JAKMIP3: variants seen among roughly 807,000 people sequenced by gnomAD.
JAKMIP3 encodes the protein Janus kinase and microtubule interacting protein 3.
In JAKMIP3, 58 loss-of-function variants were observed where a neutral mutation model predicts 118.5. That is an observed-to-expected ratio of 0.49 (90% CI 0.40 to 0.61). The LOEUF (loss-of-function observed/expected upper bound fraction) is 0.61, where lower values mean the gene tolerates loss of function less well. JAKMIP3 is among the 20% of genes least tolerant of loss of function. The pLI, the probability that JAKMIP3 is intolerant of heterozygous loss-of-function variation, is 0.00. For missense variants in JAKMIP3, 950 were observed against 1,109.0 expected (o/e 0.86, Z 2.04); for synonymous variants, 486 against 451.2 (o/e 1.08, Z -0.98).
intron 21 of JAKMIP3, among the ~76,000 whole-genome samples, chr10:132,166,609 G>A (rs190191773): frequency 6.6e-6 from 1 of 152,272 alleles, no homozygotes; most frequent in East Asian, 1.9e-4. Context: ...TACCCCATTG[G>A]TGCTCTTGCC....
At position 132,140,475 on chromosome 10, in the gene JAKMIP3, G is replaced by A; in HGVS notation, c.1369G>A (p.Gly457Arg). The A allele has an allele frequency of 6.2e-7, 1 of 1,613,860 alleles. No individual in the cohort carries two copies. Among genetic ancestry groups the A allele is most frequent in the Non-Finnish European group, 8.5e-7 (1 of 1,179,860 alleles). Residue 457 changes from glycine (G) to arginine (R), a missense_variant, in exon 10 of 24, where the codon GGA (glycine) becomes AGA (arginine). By Grantham distance (125) the Gly-to-Arg change is moderately radical. Coordinates refer to ENST00000684848, the MANE Select transcript of JAKMIP3 (RefSeq NM_001323087.2). ...PKPVVVETFF[G>R]YDEEASLESD... ...GCCGGTGGTTGTGGAGACCTTCTTTGGATACGACGAAGAGGCTTCCCTGGA... is the reference window on the plus strand; with the variant it reads ...GCCGGTGGTTGTGGAGACCTTCTTTAGATACGACGAAGAGGCTTCCCTGGA...
At chr10:132,119,753 T>A (rs562725806) in intron 3 of JAKMIP3, among the ~76,000 whole-genome samples, 2 of 152,354 alleles carry the variant, frequency 1.3e-5, no homozygotes, top group Admixed American at 6.5e-5. Flanking sequence ...GAATTTTGGG[T>A]TTTTAACCAA....
At chr10:132,123,513 G>C (rs964965437) in intron 3 of JAKMIP3, among the ~76,000 whole-genome samples, 1 of 152,178 alleles carries the variant, frequency 6.6e-6, no homozygotes, top group Non-Finnish European at 1.5e-5. Flanking sequence ...TTCAAATATG[G>C]CTATAAAAAT....
intron 11 of JAKMIP3, 78 bp from the exon 12 acceptor site, chr10:132,145,029 C>A: frequency 2.5e-6 from 3 of 1,203,500 alleles, no homozygotes; most frequent in East Asian, 2.5e-5. Context: ...ACAGACCCTT[C>A]TGACGTCCCA....
In JAKMIP3 at chr10:132,049,274, C is replaced by G. The variant is rs147457840; in HGVS notation, c.-138+12536C>G. 3.1e-3 allele frequency among the ~76,000 whole-genome samples: 465 copies of G among 152,336 alleles called. 1 individual carries two copies. The highest frequency in any genetic ancestry group is 6.8e-3 in the Middle Eastern group (2 of 294). On this transcript the variant is annotated intron_variant, in intron 1 of 23. Coordinates refer to the JAKMIP3 transcript ENST00000657785. The surrounding 1 kb of genome is among the most constrained non-coding windows in gnomAD (Gnocchi z 4.3). ...GGGAGCACAGCTATAGCTATGAGCA[C>G]TGACCCACGGCTTTGCTTCCCTTCC...
chr10:132,130,534 G>A (rs1378843768), intron 3 of JAKMIP3, among the ~76,000 whole-genome samples: 2 of 152,224 alleles, frequency 1.3e-5, no homozygotes, highest in East Asian at 3.8e-4. Flanking sequence ...CCTGCCAGAC[G>A]TGAGGGCTCC....
chr10:132,176,144 G>T (rs899207148), intron 23 of JAKMIP3, among the ~76,000 whole-genome samples: 2 of 152,200 alleles, frequency 1.3e-5, no homozygotes, highest in African/African-American at 2.4e-5. Flanking sequence ...GCACCTGCCC[G>T]TTAAGGCAGC....
rs1248861265 is a variant in JAKMIP3, at chr10:132,104,983, C to T, written c.135+40C>T. The T allele has an allele frequency of 7.1e-6, 11 of 1,559,186 alleles. No individual in the cohort carries two copies. In the South Asian group the frequency reaches 7.1e-5, roughly 10 times the overall value. On this transcript the variant is annotated intron_variant, in intron 2 of 23. Coordinates refer to ENST00000684848, the MANE Select transcript of JAKMIP3 (RefSeq NM_001323087.2). Reference sequence around the variant, plus strand: ...GACCTCCACCCTTGAATGTCCCTCCCTCCTGCCTCCCCTGGGGCCCAGAGG... The same window carrying T: ...GACCTCCACCCTTGAATGTCCCTCCTTCCTGCCTCCCCTGGGGCCCAGAGG...
chr10:132,095,714 A>G (rs1199979667), intron 1 of JAKMIP3, among the ~76,000 whole-genome samples: 8 of 152,192 alleles, frequency 5.3e-5, no homozygotes, highest in Admixed American at 5.2e-4. Flanking sequence ...GGGAACTGCA[A>G]TCTGGTTCTG....
intron 1 of JAKMIP3, among the ~76,000 whole-genome samples, chr10:132,093,870 A>C (rs1266431699): frequency 6.6e-6 from 1 of 151,574 alleles, no homozygotes; most frequent in Non-Finnish European, 1.5e-5. Flanking sequence ...CCTATTCAGC[A>C]TCTTCTTGAT....
rs4880338 is a variant in JAKMIP3, at chr10:132,168,178, G to A, written c.*248G>A. 0.58 allele frequency: 745,226 copies of A among 1,286,164 alleles called. 218,547 individuals carry two copies. Among genetic ancestry groups the A allele is most frequent in the East Asian group, 0.94 (16,728 of 17,880 alleles). 79.7% of individuals were successfully genotyped at this position (1,286,164 alleles called of 1,614,324 possible). On this transcript the variant is annotated 3_prime_UTR_variant, in exon 23 of 24. Coordinates refer to ENST00000684848, the MANE Select transcript of JAKMIP3 (RefSeq NM_001323087.2). The stretch of plus-strand genomic sequence containing the variant: ...GACTTCTCGGGGGCTTCTCCGGGAC[G>A]GGCCTGGCCTTGGCTGCTGGACCCT...
intron 4 of JAKMIP3, 44 bp downstream of exon 4, chr10:132,133,571 A>G (rs998973808): frequency 3.3e-6 from 5 of 1,520,282 alleles, no homozygotes; most frequent in East Asian, 4.9e-5. Flanking sequence ...TGTCACAGAC[A>G]GACCTGGCCA....
chr10:132,145,690 G>A, intron 13 of JAKMIP3, 110 bp downstream of exon 13: 1 of 881,908 alleles, frequency 1.1e-6, no homozygotes, highest in Non-Finnish European at 1.8e-6. Flanking sequence ...CTTCTGAATG[G>A]CTGTCCCAGG....
intron 23 of JAKMIP3, among the ~76,000 whole-genome samples, chr10:132,180,267 T>C (rs990218015): frequency 4.0e-5 from 6 of 151,702 alleles, no homozygotes; most frequent in African/African-American, 1.5e-4. Flanking sequence ...GACCCTGGGG[T>C]GCCAGAGCTT....
upstream of JAKMIP3, among the ~76,000 whole-genome samples, chr10:132,059,755 G>A (rs1389129101): frequency 6.6e-6 from 1 of 152,236 alleles, no homozygotes; most frequent in African/African-American, 2.4e-5. Flanking sequence ...CTGGTGCCAG[G>A]GCATCCCAGC....
rs562306495 is a variant in JAKMIP3 at position 132,156,478 on chromosome 10, C to T, written c.2220+2488C>T. On this transcript the variant is annotated intron_variant, in intron 19 of 23. Transcript: ENST00000684848. ...CTGTGCAGCCACCACCACAGCAGGC[C>T]GGGAGACAGAGGACCCCACCCAGCC... 5.3e-5 allele frequency among the ~76,000 whole-genome samples: 8 copies of T among 152,290 alleles called. No individual in the cohort carries two copies. In the South Asian group the frequency reaches 8.3e-4, roughly 16 times the overall value.
intron 21 of JAKMIP3, among the ~76,000 whole-genome samples, chr10:132,165,903 C>A (rs1349226038): frequency 1.3e-5 from 2 of 152,242 alleles, no homozygotes; most frequent in Non-Finnish European, 2.9e-5. Flanking sequence ...CAGGGGCACC[C>A]GGCCTTGCCG....
At chr10:132,048,582 G>A (rs1173176511) in intron 1 of JAKMIP3, among the ~76,000 whole-genome samples, 3 of 151,934 alleles carry the variant, frequency 2.0e-5, no homozygotes, top group Non-Finnish European at 4.4e-5. Context: ...AGCTCATCAT[G>A]GTTTTGCGGT....
intron 1 of JAKMIP3, among the ~76,000 whole-genome samples, chr10:132,057,663 C>A (rs1206228687): frequency 6.6e-6 from 1 of 152,204 alleles, no homozygotes; most frequent in African/African-American, 2.4e-5. Flanking sequence ...CCTTCTTCTC[C>A]TTCCTGTGCA....
Sources: allele counts gnomAD v4.1 joint callset (sites outside exome capture counted in the v4.1 genomes callset), GRCh38; gene constraint gnomAD v4.1.1; non-coding constraint Gnocchi (gnomAD v3.1); transcripts MANE v1.5; gene names NCBI Gene and HGNC (gene_info 2026-07-23, HGNC 2026-07-21).